The following FGD3 variants were observed in gnomAD, a reference collection of about 807,000 sequenced individuals.
The protein encoded by FGD3 is FYVE, RhoGEF and PH domain-containing protein 3.
In FGD3, 45 loss-of-function variants were observed where a neutral mutation model predicts 71.8. The ratio of observed to expected loss-of-function variants is 0.63; its 90% CI spans 0.49 to 0.80. The LOEUF (loss-of-function observed/expected upper bound fraction) is 0.80, where lower values mean the gene tolerates loss of function less well. Among genes scored for constraint, FGD3 ranks in the 30% least tolerant of loss-of-function variants. The probability of loss-of-function intolerance (pLI) is 0.00; values close to 1 mark genes in which losing one functional copy is unlikely to be tolerated. For missense variants in FGD3, 844 were observed against 951.5 expected (o/e 0.89, Z 1.49); for synonymous variants, 378 against 392.8 (o/e 0.96, Z 0.44).
chr9:92,952,910 G>A (rs760201515), intron 1 of FGD3, among the ~76,000 whole-genome samples: 1 of 152,142 alleles, frequency 6.6e-6, no homozygotes, highest in Non-Finnish European at 1.5e-5. Context: ...AACATGTGTT[G>A]TTGCATTCTG....
chr9:93,030,114 C>T, intron 15 of FGD3, 118 bp downstream of exon 15: 1 of 1,203,288 alleles, frequency 8.3e-7, no homozygotes, highest in African/African-American at 1.5e-5. Context: ...CACGGAAGGG[C>T]TTCCTGATCC....
chr9:92,976,866 C>T (rs183777251), intron 3 of FGD3, among the ~76,000 whole-genome samples, 157 bp downstream of exon 3: 1 of 152,236 alleles, frequency 6.6e-6, no homozygotes, highest in African/African-American at 2.4e-5. Context: ...GCAGTCTGCC[C>T]TAGAAAAGCC....
At chr9:92,984,811 C>CTTTTTTTT (rs375226068) in intron 3 of FGD3, among the ~76,000 whole-genome samples, 1 of 139,290 alleles carries the variant, frequency 7.2e-6, no homozygotes. Flanking sequence ...TCTTTTTTTT[C>CTTTTTTTT]TTTTTTTTTT....
At chr9:92,971,201 C>A (rs527797123) in intron 1 of FGD3, among the ~76,000 whole-genome samples, 1 of 152,232 alleles carries the variant, frequency 6.6e-6, no homozygotes, top group African/African-American at 2.4e-5. Context: ...TTGGGGGGTA[C>A]CGACAGGATC....
At chr9:92,970,985 TA>T (rs1034623500) in intron 1 of FGD3, among the ~76,000 whole-genome samples, 2 of 152,226 alleles carry the variant, frequency 1.3e-5, no homozygotes, top group African/African-American at 4.8e-5. Flanking sequence ...TTACCTTTTT[TA>T]TTTTAAAACA....
At chr9:92,958,200 T>C (rs574141485) in intron 1 of FGD3, among the ~76,000 whole-genome samples, 179 of 152,180 alleles carry the variant, frequency 1.2e-3, no homozygotes, top group Admixed American at 1.9e-3. Context: ...GGTTTCTCTA[T>C]ATTGGCCAGG....
chr9:92,992,004 C>CT (rs1187169410), intron 3 of FGD3, among the ~76,000 whole-genome samples: 5 of 152,204 alleles, frequency 3.3e-5, no homozygotes, highest in South Asian at 2.1e-4. Flanking sequence ...CATGGACTAT[C>CT]TTTTTTCATC....
chr9:93,013,324 G>A (rs772141047), intron 8 of FGD3, among the ~76,000 whole-genome samples: 4 of 152,320 alleles, frequency 2.6e-5, no homozygotes, highest in African/African-American at 9.6e-5. Context: ...GGCTGTTGTC[G>A]AGGTTGCCGC....
rs375570977 is a variant in FGD3, at chr9:92,988,941, T to C, written c.453+12232T>C. On this transcript the variant is annotated intron_variant, in intron 3 of 17. Transcript: ENST00000375482. The stretch of plus-strand genomic sequence containing the variant: ...CCTCTGCTGAGAAACTACATTAGTC[T>C]GCCTTGTTCTTTGGTTCCTCAACTC... 2.6e-5 allele frequency among the ~76,000 whole-genome samples: 4 copies of C among 152,340 alleles called. No individual in the cohort carries two copies. In the East Asian group the frequency reaches 5.8e-4, roughly 22 times the overall value.
intron 1 of FGD3, among the ~76,000 whole-genome samples, chr9:92,959,417 A>T (rs1333466379): frequency 6.6e-6 from 1 of 152,064 alleles, no homozygotes; most frequent in African/African-American, 2.4e-5. Flanking sequence ...CATCTCTGAC[A>T]TTGGGCAAGG....
At chr9:93,019,578 A>G (rs7026045) in intron 11 of FGD3, among the ~76,000 whole-genome samples, 1 of 152,208 alleles carries the variant, frequency 6.6e-6, no homozygotes, top group Admixed American at 6.5e-5. Flanking sequence ...CCCCACCAAC[A>G]GTGGGATCTT....
intron 11 of FGD3, among the ~76,000 whole-genome samples, chr9:93,018,748 G>C (rs899831105): frequency 6.6e-6 from 1 of 152,152 alleles, no homozygotes. Flanking sequence ...TATGGGACTC[G>C]GGGCGGTTTT....
intron 3 of FGD3, among the ~76,000 whole-genome samples, chr9:92,978,046 G>A (rs942274720): frequency 2.0e-5 from 3 of 152,190 alleles, no homozygotes; most frequent in Non-Finnish European, 4.4e-5. Flanking sequence ...ACTTTGGGAG[G>A]CCGAGGTGGG....
At chr9:93,006,270 A>G in intron 6 of FGD3, 90 bp downstream of exon 6, 2 of 1,230,734 alleles carry the variant, frequency 1.6e-6, no homozygotes, top group Non-Finnish European at 2.1e-6. Context: ...GTATATATGT[A>G]TATTTTACTC....
intron 3 of FGD3, among the ~76,000 whole-genome samples, chr9:92,978,284 A>C (rs1859845213): frequency 6.9e-6 from 1 of 145,868 alleles, no homozygotes; most frequent in South Asian, 2.1e-4. Context: ...CTCCATCTCA[A>C]AAAAAAAAAA....
intron 14 of FGD3, among the ~76,000 whole-genome samples, chr9:93,028,001 G>A (rs1862186244): frequency 6.6e-6 from 1 of 151,972 alleles, no homozygotes; most frequent in Non-Finnish European, 1.5e-5. Flanking sequence ...TTACATGTGC[G>A]AGCCACTGCG....
chr9:93,007,127 G>A (rs1861092856), intron 6 of FGD3, among the ~76,000 whole-genome samples: 1 of 151,696 alleles, frequency 6.6e-6, no homozygotes, highest in Non-Finnish European at 1.5e-5. Context: ...GTCTCACTCT[G>A]TAGCCCAGGC....
chr9:93,004,953 C>T, intron 5 of FGD3, among the ~76,000 whole-genome samples: 1 of 152,104 alleles, frequency 6.6e-6, no homozygotes, highest in Admixed American at 6.5e-5. Flanking sequence ...ATTGTGTCCC[C>T]GAGGCAGTCA....
At chr9:92,980,447 A>C (rs1859944270) in intron 3 of FGD3, among the ~76,000 whole-genome samples, 1 of 152,154 alleles carries the variant, frequency 6.6e-6, no homozygotes, top group South Asian at 2.1e-4. Flanking sequence ...TAATGTATAT[A>C]GATATCTCTA....
Sources: gnomAD v4.1 joint callset for allele counts (sites outside exome capture counted in the v4.1 genomes callset) on GRCh38, gnomAD v4.1.1 for gene constraint, MANE v1.5 for transcripts, NCBI Gene and HGNC (gene_info 2026-07-23, HGNC 2026-07-21) for gene names.